MSI2: variants seen among roughly 807,000 people sequenced by gnomAD.
The protein encoded by MSI2 is musashi RNA binding protein 2.
Under a neutral mutation model 45.6 loss-of-function variants are expected in MSI2, and 17 were observed. The ratio of observed to expected loss-of-function variants is 0.37; its 90% CI spans 0.26 to 0.56. MSI2 has a LOEUF of 0.56. Among genes scored for constraint, MSI2 ranks in the 20% least tolerant of loss-of-function variants. The probability of loss-of-function intolerance (pLI) is 0.77; values close to 1 mark genes in which losing one functional copy is unlikely to be tolerated. For synonymous variants in MSI2, 156 were observed against 158.2 expected (o/e 0.99, Z 0.11); for missense variants, 293 against 444.2 (o/e 0.66, Z 3.06).
chr17:57,700,672 G>T, the MSI2 span, among the ~76,000 whole-genome samples: 1 of 152,140 alleles, frequency 6.6e-6, no homozygotes. Flanking sequence ...GGAGGCCAAG[G>T]CAGGCAGATC....
At chr17:57,337,881 G>T (rs1914802878) in intron 5 of MSI2, among the ~76,000 whole-genome samples, 2 of 152,124 alleles carry the variant, frequency 1.3e-5, no homozygotes, top group African/African-American at 4.8e-5. Context: ...AATTGGAAAA[G>T]AACCCAGAAT....
At chr17:57,477,766 C>CG (rs2085569601) in intron 6 of MSI2, among the ~76,000 whole-genome samples, 1 of 152,164 alleles carries the variant, frequency 6.6e-6, no homozygotes, top group Non-Finnish European at 1.5e-5. Context: ...TTTGAGGGCT[C>CG]TGAGAGAAAG....
intron 7 of MSI2, among the ~76,000 whole-genome samples, chr17:57,586,771 G>A (rs1045546155): frequency 1.3e-5 from 2 of 152,124 alleles, no homozygotes; most frequent in South Asian, 2.1e-4. Context: ...CCACCCCTTG[G>A]GGAGGCCAAA....
chr17:57,622,252 G>GGCACTGCCTTGCA (rs1355819707), intron 9 of MSI2, among the ~76,000 whole-genome samples: 2 of 152,082 alleles, frequency 1.3e-5, no homozygotes, highest in African/African-American at 2.4e-5. Flanking sequence ...CAGACTTTGC[G>GGCACTGCCTTGCA]GCACCGCACC....
intron 5 of MSI2, among the ~76,000 whole-genome samples, chr17:57,337,114 G>A (rs28484703): frequency 0.021 from 3,246 of 152,244 alleles, 98 homozygotes; most frequent in African/African-American, 0.068. Context: ...ATTTCTTTTG[G>A]CTCTTAAAAT....
chr17:57,635,885 G>A (rs1909797343), intron 10 of MSI2, among the ~76,000 whole-genome samples: 1 of 152,250 alleles, frequency 6.6e-6, no homozygotes, highest in African/African-American at 2.4e-5. Context: ...GCCGATTGCT[G>A]TACCAGGAAG....
At chr17:57,537,284 G>C (rs72833079) in intron 7 of MSI2, among the ~76,000 whole-genome samples, 15,161 of 152,110 alleles carry the variant, frequency 0.1, 932 homozygotes, top group Middle Eastern at 0.15. Flanking sequence ...TGCCCACCGT[G>C]AGGGGCACAC....
At chr17:57,531,439 G>A (rs975167780) in intron 7 of MSI2, among the ~76,000 whole-genome samples, 15 of 152,212 alleles carry the variant, frequency 9.9e-5, no homozygotes, top group Admixed American at 7.2e-4. Context: ...AGGCAACTGA[G>A]AGACCCATGG....
At chr17:57,568,233 T>C (rs560733004) in intron 7 of MSI2, among the ~76,000 whole-genome samples, 37 of 152,228 alleles carry the variant, frequency 2.4e-4, no homozygotes, top group Admixed American at 8.5e-4. Context: ...ATATAGAAAA[T>C]GAAAGATGCT....
At chr17:57,300,466 A>G (rs1911331943) in intron 5 of MSI2, among the ~76,000 whole-genome samples, 1 of 152,048 alleles carries the variant, frequency 6.6e-6, no homozygotes, top group African/African-American at 2.4e-5. Flanking sequence ...ATTTCTCTAT[A>G]TTTTTTCTGC....
At chr17:57,298,344 G>T (rs1181427062) in intron 5 of MSI2, among the ~76,000 whole-genome samples, 1 of 152,192 alleles carries the variant, frequency 6.6e-6, no homozygotes, top group Non-Finnish European at 1.5e-5. Flanking sequence ...GTTTTGAAAG[G>T]AATCTTTTTT....
rs1056411186 is a variant in MSI2 at position 57,596,345 on chromosome 17, G to A, written c.455-523G>A. On this transcript the variant is annotated intron_variant, in intron 7 of 13. Transcript: ENST00000284073. This position sits in a 1 kb window ranked among gnomAD's most constrained non-coding sequence, Gnocchi z 4.6. ...AGCAGTATAAAAAGGATGCCTGCGCGGAACAGAGGCCTGAAACTTTTAATA... is the reference window on the plus strand; with the variant it reads ...AGCAGTATAAAAAGGATGCCTGCGCAGAACAGAGGCCTGAAACTTTTAATA... Among the ~76,000 whole-genome samples the A allele has an allele frequency of 1.3e-5, 2 of 152,178 alleles. No individual in the cohort carries two copies.
chr17:57,402,777 TG>T (rs1310539314), intron 6 of MSI2, among the ~76,000 whole-genome samples: 1 of 152,238 alleles, frequency 6.6e-6, no homozygotes, highest in Non-Finnish European at 1.5e-5. Flanking sequence ...TGAGTGGCTC[TG>T]AGCTGCCCTT....
intron 5 of MSI2, among the ~76,000 whole-genome samples, chr17:57,322,399 A>G (rs1913423532): frequency 6.6e-6 from 1 of 152,220 alleles, no homozygotes; most frequent in African/African-American, 2.4e-5. Flanking sequence ...AGGAAAGGGC[A>G]GTAAAAATAT....
chr17:57,432,892 T>A (rs1376882733), intron 6 of MSI2, among the ~76,000 whole-genome samples: 1 of 152,194 alleles, frequency 6.6e-6, no homozygotes, highest in Non-Finnish European at 1.5e-5. Flanking sequence ...CCTGATGTGA[T>A]TCCTTGTCAC....
At chr17:57,616,229 C>G in intron 9 of MSI2, 145 bp downstream of exon 9, 1 of 619,962 alleles carries the variant, frequency 1.6e-6, no homozygotes, top group Admixed American at 2.9e-5. Flanking sequence ...ATGATAATTC[C>G]CCGTTCCAAG....
At chr17:57,557,721 G>A (rs1245365755) in intron 7 of MSI2, among the ~76,000 whole-genome samples, 1 of 152,214 alleles carries the variant, frequency 6.6e-6, no homozygotes, top group African/African-American at 2.4e-5. Flanking sequence ...GGGAGCAGAG[G>A]TTTCGTTGAG....
intron 7 of MSI2, among the ~76,000 whole-genome samples, chr17:57,548,169 G>C (rs2087214950): frequency 6.6e-6 from 1 of 152,140 alleles, no homozygotes; most frequent in Non-Finnish European, 1.5e-5. Context: ...AACCAACTCT[G>C]GGGTCCAAAG....
At chr17:57,670,987 G>A (rs1181032484) in intron 11 of MSI2, among the ~76,000 whole-genome samples, 1 of 152,144 alleles carries the variant, frequency 6.6e-6, no homozygotes, top group Non-Finnish European at 1.5e-5. Flanking sequence ...GCACCTGACT[G>A]TAAGAGCAGA....
Sources: gnomAD v4.1 joint callset for allele counts (sites outside exome capture counted in the v4.1 genomes callset) on GRCh38, gnomAD v4.1.1 for gene constraint, Gnocchi (gnomAD v3.1) non-coding constraint, MANE v1.5 for transcripts, NCBI Gene and HGNC (gene_info 2026-07-23, HGNC 2026-07-21) for gene names.